SMYD3: variants seen among roughly 807,000 people sequenced by gnomAD.
SMYD3 encodes histone-lysine N-methyltransferase SMYD3.
A neutral mutation model predicts 57.7 loss-of-function variants in SMYD3; 36 were observed. The observed-to-expected ratio is 0.62, with a 90% CI of 0.48 to 0.82. The LOEUF (loss-of-function observed/expected upper bound fraction) is 0.82. Among genes scored for constraint, SMYD3 ranks in the 40% least tolerant of loss-of-function variants. SMYD3 has a pLI of 0.00. For synonymous variants in SMYD3, 211 were observed against 195.0 expected, an observed-to-expected ratio of 1.08 and a Z score of -0.68; for missense variants, 515 against 538.8, an observed-to-expected ratio of 0.96 and a Z score of 0.44.
At chr1:245,949,479 G>A (rs1256750164) in intron 5 of SMYD3, among the ~76,000 whole-genome samples, 2 of 152,052 alleles carry the variant, frequency 1.3e-5, no homozygotes, top group Non-Finnish European at 2.9e-5. Flanking sequence ...ATCATATGGA[G>A]ACTACACTAC....
At chr1:246,343,328 G>A (rs1272482303) in intron 2 of SMYD3, among the ~76,000 whole-genome samples, 1 of 152,228 alleles carries the variant, frequency 6.6e-6, no homozygotes, top group Non-Finnish European at 1.5e-5. Flanking sequence ...GTGAGCACAT[G>A]TATTTTATTT....
At chr1:245,838,376 C>G (rs1225394795) in intron 10 of SMYD3, among the ~76,000 whole-genome samples, 1 of 152,164 alleles carries the variant, frequency 6.6e-6, no homozygotes, top group Non-Finnish European at 1.5e-5. Context: ...CAGTTGGAAG[C>G]CACACCTTCA....
chr1:245,805,147 A>C (rs2048091980), intron 10 of SMYD3, among the ~76,000 whole-genome samples: 1 of 150,620 alleles, frequency 6.6e-6, no homozygotes, highest in South Asian at 2.1e-4. Flanking sequence ...TTTCCTGGTA[A>C]GTGAGAATGA....
chr1:246,405,206 C>T (rs913140794), intron 1 of SMYD3, among the ~76,000 whole-genome samples: 1 of 152,156 alleles, frequency 6.6e-6, no homozygotes, highest in Admixed American at 6.6e-5. Context: ...CTCATTTCAG[C>T]CTCCCAAAGT....
chr1:246,194,786 AAG>A (rs2062805283), intron 5 of SMYD3, among the ~76,000 whole-genome samples: 1 of 152,264 alleles, frequency 6.6e-6, no homozygotes, highest in South Asian at 2.1e-4. Flanking sequence ...TTGCACAACA[AAG>A]AGAGAACATT....
At position 246,491,557 on chromosome 1, in the gene SMYD3, A is replaced by G. The variant is rs565033304; in HGVS notation, c.164+15497T>C. On this transcript the variant is annotated intron_variant, in intron 1 of 11. Coordinates refer to ENST00000490107, the MANE Select transcript of SMYD3 (RefSeq NM_001167740.2). ...CTTCGTCTCAAATAAAAAAAAAAAAAAAAGAGAGAGAAATAAGAATCAGTC... is the reference window on the plus strand; with the variant it reads ...CTTCGTCTCAAATAAAAAAAAAAAAGAAAGAGAGAGAAATAAGAATCAGTC... Among the ~76,000 whole-genome samples, 32 of 146,806 alleles carry G rather than the reference A, an allele frequency of 2.2e-4. No homozygotes were observed. The East Asian group carries it at 5.2e-3, about 24-fold the overall frequency.
intron 5 of SMYD3, among the ~76,000 whole-genome samples, chr1:245,994,521 C>T (rs1466380761): frequency 6.6e-6 from 1 of 152,138 alleles, no homozygotes; most frequent in East Asian, 1.9e-4. Flanking sequence ...CTGAAATAAG[C>T]ATTTTCTCCC....
At chr1:245,986,396 A>G (rs2058705813) in intron 5 of SMYD3, among the ~76,000 whole-genome samples, 1 of 152,242 alleles carries the variant, frequency 6.6e-6, no homozygotes, top group African/African-American at 2.4e-5. Flanking sequence ...CCATTTCAGT[A>G]AAAGACAGCT....
chr1:246,062,740 G>T (rs1305759828), intron 5 of SMYD3, among the ~76,000 whole-genome samples: 1 of 152,024 alleles, frequency 6.6e-6, no homozygotes, highest in Non-Finnish European at 1.5e-5. Context: ...CATCCTTATG[G>T]CACTTAAAAT....
At chr1:245,877,919 C>G (rs966065462) in intron 8 of SMYD3, among the ~76,000 whole-genome samples, 20 of 152,140 alleles carry the variant, frequency 1.3e-4, no homozygotes, top group Middle Eastern at 3.4e-3. Context: ...TGAAGATATG[C>G]GACAGAGGAA....
intron 1 of SMYD3, among the ~76,000 whole-genome samples, chr1:246,377,369 C>CTT (rs531494337): frequency 0.046 from 6,187 of 134,154 alleles, 194 homozygotes; most frequent in Non-Finnish European, 0.064. Flanking sequence ...GCAAATAATT[C>CTT]TTTTTTTTTT....
chr1:245,813,370 T>G (rs1329580934), intron 10 of SMYD3, among the ~76,000 whole-genome samples: 2 of 152,104 alleles, frequency 1.3e-5, no homozygotes, highest in Non-Finnish European at 2.9e-5. Flanking sequence ...AGGGTCAACA[T>G]GCAGCACACA....
intron 5 of SMYD3, among the ~76,000 whole-genome samples, chr1:246,314,387 GCT>G (rs1404004854): frequency 6.6e-6 from 1 of 152,176 alleles, no homozygotes; most frequent in Non-Finnish European, 1.5e-5. Context: ...CCATGTTAAA[GCT>G]CTGTCTCTTT....
intron 5 of SMYD3, among the ~76,000 whole-genome samples, chr1:246,273,164 G>GC (rs1311825464): frequency 1.2e-5 from 1 of 82,994 alleles, no homozygotes; most frequent in East Asian, 3.6e-4. Flanking sequence ...TTTTTTTTGG[G>GC]GGGGGGACAG....
Position 246,283,439 on chromosome 1 carries a change from G to A in SMYD3, c.531+43762C>T, listed in dbSNP as rs141243269. On this transcript the variant is annotated intron_variant, in intron 5 of 11. Transcript: ENST00000490107. ...GAAAGGACCTCAAAATCCTTACTCT[G>A]GCTAAACTGGGCTTTAAATGTGTCA... 2.0e-3 allele frequency among the ~76,000 whole-genome samples: 299 copies of A among 152,228 alleles called. 2 individuals are homozygous for A. Among genetic ancestry groups the A allele is most frequent in the African/African-American group, 6.9e-3 (285 of 41,538 alleles).
At chr1:246,131,369 C>T (rs1287137137) in intron 5 of SMYD3, among the ~76,000 whole-genome samples, 1 of 152,058 alleles carries the variant, frequency 6.6e-6, no homozygotes, top group Non-Finnish European at 1.5e-5. Context: ...TGTAAACATC[C>T]AATCAGTCAA....
intron 1 of SMYD3, among the ~76,000 whole-genome samples, chr1:246,360,498 A>T (rs558165985): frequency 2.6e-5 from 4 of 152,316 alleles, no homozygotes; most frequent in African/African-American, 9.6e-5. Context: ...ACATAGCCAA[A>T]GCAAGACTAA....
chr1:246,035,697 C>G (rs888540404), intron 5 of SMYD3: 1 of 152,188 alleles, frequency 6.6e-6, no homozygotes, highest in Non-Finnish European at 1.5e-5. Flanking sequence ...TGCTGCAAAG[C>G]AATTACGGCT....
chr1:246,387,641 G>A (rs1424848293), intron 1 of SMYD3, among the ~76,000 whole-genome samples: 1 of 152,226 alleles, frequency 6.6e-6, no homozygotes, highest in Non-Finnish European at 1.5e-5. Context: ...CAAAGCAGCA[G>A]TGTGAGGCAG....
Sources: allele counts gnomAD v4.1 joint callset (sites outside exome capture counted in the v4.1 genomes callset), GRCh38; gene constraint gnomAD v4.1.1; transcripts MANE v1.5; gene names NCBI Gene and HGNC (gene_info 2026-07-23, HGNC 2026-07-21).